The following ADAMTS9 variants were observed in gnomAD, a reference collection of about 807,000 sequenced individuals.
ADAMTS9 encodes the protein A disintegrin and metalloproteinase with thrombospondin motifs 9.
A neutral mutation model predicts 257.1 loss-of-function variants in ADAMTS9; 107 were observed. That is an observed-to-expected ratio of 0.42 (90% CI 0.36 to 0.49). The LOEUF is 0.49. Ranked by LOEUF, ADAMTS9 falls within the 20% of genes least tolerant of loss-of-function variation. The pLI is 0.03. For missense variants in ADAMTS9, 2,353 were observed against 2,469.1 expected (o/e 0.95, Z 1.00); for synonymous variants, 982 against 880.9 (o/e 1.11, Z -2.03).
intron 3 of ADAMTS9, among the ~76,000 whole-genome samples, chr3:64,667,158 A>C (rs1701370754): frequency 6.6e-6 from 1 of 152,170 alleles, no homozygotes; most frequent in Non-Finnish European, 1.5e-5. Context: ...GCTGGCCTGA[A>C]CCTTTATAAA....
intron 21 of ADAMTS9, chr3:64,614,724 C>T (rs962860166): frequency 6.6e-6 from 1 of 151,502 alleles, no homozygotes. Flanking sequence ...CATCTTCTTT[C>T]TCTTGTTGTC....
chr3:64,652,339 G>T (rs1331026189), intron 8 of ADAMTS9, among the ~76,000 whole-genome samples: 1 of 152,112 alleles, frequency 6.6e-6, no homozygotes, highest in Non-Finnish European at 1.5e-5. Context: ...AGAAAAACTC[G>T]ATCTTAGTTG....
chr3:64,632,828 CAA>C (rs67246847), intron 14 of ADAMTS9, among the ~76,000 whole-genome samples: 8 of 124,352 alleles, frequency 6.4e-5, no homozygotes, highest in Non-Finnish European at 8.6e-5. Context: ...GGACCACAGG[CAA>C]AAAAAAAAAA....
chr3:64,577,146 T>A (rs2083873690), intron 28 of ADAMTS9, among the ~76,000 whole-genome samples: 2 of 152,168 alleles, frequency 1.3e-5, no homozygotes, highest in African/African-American at 2.4e-5. Context: ...GTCTTTCCCA[T>A]CAAGAAAGAA....
chr3:64,540,016 G>A (rs74991355), intron 36 of ADAMTS9, among the ~76,000 whole-genome samples: 1,529 of 152,324 alleles, frequency 0.01, 52 homozygotes, highest in East Asian at 0.078. Context: ...CCAGAGGCAG[G>A]TTTCATCTTT....
chr3:64,522,489 T>A, intron 38 of ADAMTS9: 1 of 379,442 alleles, frequency 2.6e-6, no homozygotes, highest in Non-Finnish European at 4.7e-6. Flanking sequence ...GGATGATTTT[T>A]ATATTTTTAA....
intron 12 of ADAMTS9, among the ~76,000 whole-genome samples, chr3:64,641,045 G>A (rs976714220): frequency 2.5e-4 from 38 of 151,942 alleles, no homozygotes; most frequent in African/African-American, 9.2e-4. Flanking sequence ...CAACTAGATT[G>A]ATTAAAAAAG....
chr3:64,544,833 C>T (rs1051550924), intron 32 of ADAMTS9, among the ~76,000 whole-genome samples: 2 of 152,158 alleles, frequency 1.3e-5, no homozygotes, highest in African/African-American at 4.8e-5. Context: ...AGGCAACCTA[C>T]AGAATGGGAG....
intron 10 of ADAMTS9, among the ~76,000 whole-genome samples, chr3:64,648,590 A>T (rs1190205020): frequency 6.6e-6 from 1 of 152,214 alleles, no homozygotes; most frequent in Non-Finnish European, 1.5e-5. Context: ...ATTAAAATAA[A>T]CCACACTTAT....
At chr3:64,634,910 A>G (rs750042410) in intron 12 of ADAMTS9, among the ~76,000 whole-genome samples, 2 of 152,216 alleles carry the variant, frequency 1.3e-5, no homozygotes, top group Non-Finnish European at 2.9e-5. Flanking sequence ...GAAATATAGA[A>G]TGAGAGGTAG....
At chr3:64,528,823 C>T (rs1046862728) in intron 38 of ADAMTS9, among the ~76,000 whole-genome samples, 1 of 152,168 alleles carries the variant, frequency 6.6e-6, no homozygotes, top group South Asian at 2.1e-4. Flanking sequence ...GAGAAAGGGG[C>T]CACTACAGTC....
chr3:64,650,738 A>G (rs527497862), intron 9 of ADAMTS9: 3 of 341,814 alleles, frequency 8.8e-6, no homozygotes, highest in African/African-American at 2.2e-5. Context: ...ATGTCTGAAC[A>G]AATCTCAAAA....
intron 37 of ADAMTS9, among the ~76,000 whole-genome samples, chr3:64,538,701 G>C (rs2083081921): frequency 6.6e-6 from 1 of 152,100 alleles, no homozygotes; most frequent in Non-Finnish European, 1.5e-5. Context: ...GCTTGAACTG[G>C]CTTTTGAGAG....
chr3:64,557,909 C>G (rs1016445897), intron 30 of ADAMTS9, among the ~76,000 whole-genome samples: 5 of 152,142 alleles, frequency 3.3e-5, no homozygotes, highest in African/African-American at 1.2e-4. Flanking sequence ...AAAGTCTGGG[C>G]TCTACTCTCA....
intron 14 of ADAMTS9, among the ~76,000 whole-genome samples, 155 bp downstream of exon 14, chr3:64,633,317 T>C (rs1270162359): frequency 6.6e-6 from 1 of 152,020 alleles, no homozygotes; most frequent in Non-Finnish European, 1.5e-5. Flanking sequence ...AAAAAAGTGA[T>C]ATTGATGCTG....
chr3:64,534,258 C>T (rs972357379), intron 37 of ADAMTS9, among the ~76,000 whole-genome samples: 1 of 152,174 alleles, frequency 6.6e-6, no homozygotes, highest in Non-Finnish European at 1.5e-5. Context: ...CAGATCTTTT[C>T]TCACCTCTTG....
intron 3 of ADAMTS9, among the ~76,000 whole-genome samples, chr3:64,667,972 C>G (rs1016620776): frequency 1.3e-5 from 2 of 152,186 alleles, no homozygotes; most frequent in East Asian, 3.9e-4. Context: ...TACTAAGAGA[C>G]TATTTAGTTT....
At chr3:64,535,641 C>T (rs2083040464) in intron 37 of ADAMTS9, among the ~76,000 whole-genome samples, 1 of 150,960 alleles carries the variant, frequency 6.6e-6, no homozygotes, top group Non-Finnish European at 1.5e-5. Context: ...GCAACCTCTG[C>T]CTCCCGGGTT....
At chr3:64,581,621 C>T (rs1044211014) in intron 28 of ADAMTS9, among the ~76,000 whole-genome samples, 10 of 152,206 alleles carry the variant, frequency 6.6e-5, no homozygotes, top group East Asian at 3.9e-4. Flanking sequence ...CTAGAATTAC[C>T]GGTAAGATTA....
Sources: allele counts gnomAD v4.1 joint callset (sites outside exome capture counted in the v4.1 genomes callset), GRCh38; gene constraint gnomAD v4.1.1; transcripts MANE v1.5; gene names NCBI Gene and HGNC (gene_info 2026-07-23, HGNC 2026-07-21).